Variants in ZNF165 observed in about 807,000 individuals in gnomAD.
The protein encoded by ZNF165 is zinc finger protein 165.
Under a neutral mutation model 19.6 loss-of-function variants are expected in ZNF165, and 14 were observed. The observed-to-expected ratio is 0.71, with a 90% confidence interval of 0.47 to 1.12. The LOEUF is 1.12. Among genes scored for constraint, ZNF165 ranks in the 50% most tolerant of loss-of-function variants. The probability of loss-of-function intolerance (pLI) is 0.00; values close to 1 mark genes in which losing one functional copy is unlikely to be tolerated. For synonymous variants in ZNF165, 165 were observed against 195.0 expected (o/e 0.85, Z 1.28); for missense variants, 504 against 566.3 (o/e 0.89, Z 1.12).
Position 28,085,641 on chromosome 6 carries a change from A to G in ZNF165, c.161A>G (p.Gln54Arg). 1.2e-6 allele frequency: 2 copies of G among 1,614,228 alleles called. No individual in the cohort carries two copies. Among genetic ancestry groups the G allele is most frequent in the Non-Finnish European group, 1.7e-6 (2 of 1,180,034 alleles). Residue 54 changes from glutamine to arginine, a missense_variant, in exon 2 of 4, where the codon CAG (glutamine) becomes CGG (arginine). By Grantham distance (43) the Gln-to-Arg change is conservative. Transcript: ENST00000683778. ...KQELCRQLFR[Q>R]FCYQDSPGPR... Reference sequence around the variant, plus strand: ...GAGCTCTGCAGGCAGCTTTTTAGGCAGTTCTGCTACCAGGATTCTCCTGGA... The same window carrying G: ...GAGCTCTGCAGGCAGCTTTTTAGGCGGTTCTGCTACCAGGATTCTCCTGGA...
At position 28,088,563 on chromosome 6, in the gene ZNF165, A is replaced by C; in HGVS notation, c.551A>C (p.Asp184Ala). The C allele has an allele frequency of 6.4e-7, 1 of 1,573,082 alleles. No homozygotes were observed. Among genetic ancestry groups the C allele is most frequent in the Non-Finnish European group, 8.6e-7 (1 of 1,164,980 alleles). Residue 184 changes from aspartate to alanine, a missense_variant and splice_region_variant, in exon 4 of 4, where the codon GAT becomes GCT. Physicochemically the swap from Asp to Ala is moderately radical, Grantham distance 126. Coordinates refer to ENST00000683778, the MANE Select transcript of ZNF165 (RefSeq NM_001376491.1). ...SSEPQLLWDCDNESENSRSMP... is the reference protein window; with the variant it reads ...SSEPQLLWDCANESENSRSMP... ...TATTTCCCTTTCTTTTTTATTTTAGATAATGAGAGTGAAAACAGTAGATCC... is the reference window on the plus strand; with the variant it reads ...TATTTCCCTTTCTTTTTTATTTTAGCTAATGAGAGTGAAAACAGTAGATCC...
rs761711054 is a variant in ZNF165 at position 28,080,799 on chromosome 6, T to C, written c.-172T>C. ...TCAAGCCCTGAGATCTTCAGGACTTTGGCGAAAAGTCTGCGCCCGAAGAGA... is the reference window on the plus strand; with the variant it reads ...TCAAGCCCTGAGATCTTCAGGACTTCGGCGAAAAGTCTGCGCCCGAAGAGA... On this transcript the variant is annotated 5_prime_UTR_variant, in exon 1 of 4. Transcript: ENST00000683778. 6.6e-6 allele frequency: 1 copy of C among 152,210 alleles called. No individual in the cohort carries two copies. Among genetic ancestry groups the C allele is most frequent in the Non-Finnish European group, 1.5e-5 (1 of 68,068 alleles). The allele number at this position is 152,210 out of a possible 1,614,324, so 9.4% of individuals were successfully genotyped here.
intron 1 of ZNF165, among the ~76,000 whole-genome samples, chr6:28,082,981 A>G (rs1279144148): frequency 1.4e-5 from 2 of 147,228 alleles, no homozygotes; most frequent in Admixed American, 6.8e-5. Context: ...ACCTCATGGA[A>G]CATCAATCAG....
intron 1 of ZNF165, among the ~76,000 whole-genome samples, 162 bp from the exon 2 acceptor site, chr6:28,085,319 G>A (rs2295594): frequency 0.23 from 35,651 of 152,054 alleles, 4,344 homozygotes; most frequent in African/African-American, 0.3. Context: ...TTTGCATATA[G>A]TAAATGCCCA....
rs933716337 is a variant in ZNF165 at position 28,085,621 on chromosome 6, C to T, written c.141C>T (p.Leu47=). The change falls in exon 2 of 4, where the codon CTC becomes CTT. Residue 47 remains leucine (L), a synonymous_variant. Coordinates refer to ENST00000683778, the MANE Select transcript of ZNF165 (RefSeq NM_001376491.1). ...LQRSELLKQE[L]CRQLFRQFCY... is the part of the protein sequence containing the mutation. ...GAAGTGAACTCCTTAAGCAGGAGCT[C>T]TGCAGGCAGCTTTTTAGGCAGTTCT... is the stretch of plus-strand genomic sequence containing the variant. 1 of 1,614,220 alleles carries T rather than the reference C, an allele frequency of 6.2e-7. No individual in the cohort carries two copies. The highest frequency in any genetic ancestry group is 8.5e-7 in the Non-Finnish European group (1 of 1,180,046).
Position 28,085,792 on chromosome 6 carries a change from T to C in ZNF165, c.312T>C (p.Asp104=). The change falls in exon 2 of 4, where the codon GAT becomes GAC. Residue 104 remains aspartate, a synonymous_variant. Transcript: ENST00000683778. ...AGTTCCTGACCATCCTGCCAGGAGA[T>C]TTGCAGGCCTGGGTACATGAACATT... ...LEQFLTILPG[D]LQAWVHEHYP... The C allele has an allele frequency of 9.9e-6, 16 of 1,613,652 alleles. No individual in the cohort carries two copies. The highest frequency in any genetic ancestry group is 1.3e-5 in the Non-Finnish European group (15 of 1,180,018).
chr6:28,084,115 A>C (rs976701968), intron 1 of ZNF165, among the ~76,000 whole-genome samples: 1 of 152,164 alleles, frequency 6.6e-6, no homozygotes, highest in African/African-American at 2.4e-5. Context: ...GGCATATACT[A>C]TACTGACCAA....
chr6:28,087,475 AC>A lies in ZNF165; in HGVS notation c.551-1087del, dbSNP rs1764303922. Among the ~76,000 whole-genome samples, 4 of 152,262 alleles carry A rather than the reference AC, an allele frequency of 2.6e-5. No homozygotes were observed. The South Asian group carries it at 8.3e-4, about 32-fold the overall frequency. Reference sequence around the variant, plus strand: ...TGGCCAGGCTGGTCTCAAACTCCTGACTTCGTGATCCGCCCGCCTTGGCCTC... The same window carrying A: ...TGGCCAGGCTGGTCTCAAACTCCTGATTCGTGATCCGCCCGCCTTGGCCTC... On this transcript the variant is annotated intron_variant, in intron 3 of 3. Transcript: ENST00000683778.
At position 28,089,441 on chromosome 6, in the gene ZNF165, A is replaced by G. The variant is rs1411243041; in HGVS notation, c.1429A>G (p.Ile477Val). ...CTCAAACCTTAGTCAACACCAGAGA[A>G]TTCACATGAGGGAAAACCTATTAAT... ...QSSNLSQHQRIHMRENLLM is the reference protein window; with the variant it reads ...QSSNLSQHQRVHMRENLLM Residue 477 changes from isoleucine to valine, a missense_variant, in exon 4 of 4, where the codon ATT (isoleucine) becomes GTT (valine). Coordinates refer to ENST00000683778, the MANE Select transcript of ZNF165 (RefSeq NM_001376491.1). The G allele has an allele frequency of 1.1e-5, 17 of 1,604,514 alleles. No individual in the cohort carries two copies. In the African/African-American group the frequency reaches 2.1e-4, roughly 20 times the overall value.
At chr6:28,085,135 TA>T (rs1339888634) in intron 1 of ZNF165, among the ~76,000 whole-genome samples, 1 of 152,220 alleles carries the variant, frequency 6.6e-6, no homozygotes, top group Non-Finnish European at 1.5e-5. Context: ...TTTTCTTTTT[TA>T]TCCTTATTTT....
intron 3 of ZNF165, among the ~76,000 whole-genome samples, chr6:28,088,104 G>A (rs1033446353): frequency 6.6e-6 from 1 of 152,128 alleles, no homozygotes; most frequent in African/African-American, 2.4e-5. Context: ...GACAATAGGT[G>A]GATGGAAGTT....
Position 28,088,889 on chromosome 6 carries a change from A to G in ZNF165, c.877A>G (p.Lys293Glu). ...SNEFTHQKSCKHGTCDQSFKW... is the reference protein window; with the variant it reads ...SNEFTHQKSCEHGTCDQSFKW... ...TGAATTCACACACCAGAAATCTTGT[A>G]AACATGGTACCTGTGACCAGAGCTT... Residue 293 changes from lysine to glutamate, a missense_variant, in exon 4 of 4, where the codon AAA becomes GAA. By Grantham distance (56) the Lys-to-Glu change is moderately conservative (BLOSUM62 1). Coordinates refer to ENST00000683778, the MANE Select transcript of ZNF165 (RefSeq NM_001376491.1). 6.2e-7 allele frequency: 1 copy of G among 1,614,240 alleles called. No homozygotes were observed. The highest frequency in any genetic ancestry group is 8.5e-7 in the Non-Finnish European group (1 of 1,180,038).
At position 28,088,972 on chromosome 6, in the gene ZNF165, C is replaced by G. The variant is rs773203392; in HGVS notation, c.960C>G (p.His320Gln). The G allele has an allele frequency of 1.5e-5, 25 of 1,614,108 alleles. No homozygotes were observed. Among genetic ancestry groups the G allele is most frequent in the Non-Finnish European group, 2.1e-5 (25 of 1,180,018 alleles). Residue 320 changes from histidine to glutamine, a missense_variant, in exon 4 of 4, where the codon CAC becomes CAG. By Grantham distance (24) the His-to-Gln change is conservative. Transcript: ENST00000683778. The part of the protein sequence containing the change: ...HQIIYAGEKN[H>Q]QYGKSFKSPK... ...TAATTTATGCTGGAGAAAAAAATCA[C>G]CAATATGGAAAATCTTTCAAGAGCC...
intron 3 of ZNF165, 96 bp from the exon 4 acceptor site, chr6:28,088,467 A>C: frequency 1.0e-6 from 1 of 979,332 alleles, no homozygotes; most frequent in South Asian, 1.7e-5. Context: ...TCATATATTA[A>C]AGTGGGCATA....
chr6:28,086,067 C>A, intron 2 of ZNF165, 105 bp from the exon 3 acceptor site: 1 of 1,522,026 alleles, frequency 6.6e-7, no homozygotes, highest in Non-Finnish European at 8.8e-7. Context: ...AGACTCGATT[C>A]TTCCTTCCCC....
chr6:28,085,651 C>T lies in ZNF165; in HGVS notation c.171C>T (p.Tyr57=). The change falls in exon 2 of 4, where the codon TAC becomes TAT. Residue 57 remains tyrosine, a synonymous_variant. Coordinates refer to ENST00000683778, the MANE Select transcript of ZNF165 (RefSeq NM_001376491.1). ...GGCAGCTTTTTAGGCAGTTCTGCTA[C>T]CAGGATTCTCCTGGACCTCGCGAGG... is the stretch of plus-strand genomic sequence containing the variant. ...LCRQLFRQFC[Y]QDSPGPREAL... The T allele has an allele frequency of 2.5e-6, 4 of 1,614,228 alleles. No individual in the cohort carries two copies. Among genetic ancestry groups the T allele is most frequent in the African/African-American group, 1.3e-5 (1 of 75,070 alleles).
At chr6:28,087,434 C>T (rs970350977) in intron 3 of ZNF165, among the ~76,000 whole-genome samples, 3 of 152,030 alleles carry the variant, frequency 2.0e-5, no homozygotes, top group Non-Finnish European at 2.9e-5. Flanking sequence ...TTAGTAGAGA[C>T]GGGGTTTCAC....
chr6:28,082,119 C>A (rs1438359717), intron 1 of ZNF165, among the ~76,000 whole-genome samples: 1 of 152,144 alleles, frequency 6.6e-6, no homozygotes, highest in East Asian at 1.9e-4. Context: ...GGGATTGAGA[C>A]TCTCTGGTTA....
At chr6:28,083,286 C>T (rs1764196687) in intron 1 of ZNF165, among the ~76,000 whole-genome samples, 1 of 152,180 alleles carries the variant, frequency 6.6e-6, no homozygotes, top group Non-Finnish European at 1.5e-5. Context: ...TTCAAAGAAT[C>T]AGTATGTCAG....
Sources: gnomAD v4.1 joint callset for allele counts (sites outside exome capture counted in the v4.1 genomes callset) on GRCh38, gnomAD v4.1.1 for gene constraint, MANE v1.5 for transcripts, NCBI Gene and HGNC (gene_info 2026-07-23, HGNC 2026-07-21) for gene names.